Variants in CDH26 observed in about 807,000 individuals in gnomAD.
The protein encoded by CDH26 is cadherin-like protein 26.
Under a neutral mutation model 90.3 loss-of-function variants are expected in CDH26, and 83 were observed. The ratio of observed to expected loss-of-function variants is 0.92; its 90% CI spans 0.77 to 1.10. The LOEUF (loss-of-function observed/expected upper bound fraction) is 1.10. CDH26 is among the 50% of genes least tolerant of loss of function. The pLI is 0.00. For missense variants in CDH26, 1,013 were observed against 1,037.6 expected (o/e 0.98, Z 0.33); for synonymous variants, 397 against 396.3 (o/e 1.00, Z -0.02).
chr20:60,035,710 C>T (rs7265455), downstream of CDH26, among the ~76,000 whole-genome samples: 21,005 of 151,968 alleles, frequency 0.14, 1,737 homozygotes, highest in African/African-American at 0.22. Context: ...GATTGGATCA[C>T]GGGGGGCGGT....
intron 17 of CDH26, among the ~76,000 whole-genome samples, chr20:60,011,418 G>A (rs974177936): frequency 5.3e-5 from 8 of 152,280 alleles, no homozygotes; most frequent in Admixed American, 2.0e-4. Flanking sequence ...TGGATTTGGC[G>A]TGCTTGTTAT....
At chr20:60,004,765 CAAAA>C (rs140015980) in intron 16 of CDH26, among the ~76,000 whole-genome samples, 1 of 48,132 alleles carries the variant, frequency 2.1e-5, no homozygotes. Flanking sequence ...GACTCCATCT[CAAAA>C]AAAAAAAAAA....
At chr20:59,998,268 G>A (rs984187816) in intron 13 of CDH26, among the ~76,000 whole-genome samples, 7 of 152,312 alleles carry the variant, frequency 4.6e-5, no homozygotes, top group African/African-American at 1.7e-4. Flanking sequence ...GAGGGAGAGA[G>A]TGAAAGCTGC....
Position 59,988,960 on chromosome 20 carries a change from G to C in CDH26, c.1080G>C (p.Glu360Asp). 1 of 1,613,878 alleles carries C rather than the reference G, an allele frequency of 6.2e-7. No individual in the cohort carries two copies. The highest frequency in any genetic ancestry group is 8.5e-7 in the Non-Finnish European group (1 of 1,180,040). The change falls in exon 9 of 18, where the codon GAG becomes GAC. Residue 360 changes from glutamate (E) to aspartate (D), a missense_variant. Transcript: ENST00000348616. ...AQSLIIVVEN[E>D]ERLVFCERGK... ...GCCTCATCATTGTCGTGGAGAATGA[G>C]GAGAGGCTCGTCTTCTGTGAGAGAG... is the stretch of plus-strand genomic sequence containing the variant.
chr20:59,958,893 T>C (rs2061032106), intron 1 of CDH26, 98 bp downstream of exon 1: 2 of 1,255,320 alleles, frequency 1.6e-6, no homozygotes, highest in Non-Finnish European at 2.2e-6. Context: ...GGAGAGGGAC[T>C]GAGTGTGACC....
At chr20:60,023,374 G>A (rs1315999479) in intron 7 of CDH26, among the ~76,000 whole-genome samples, 2 of 152,206 alleles carry the variant, frequency 1.3e-5, no homozygotes, top group African/African-American at 2.4e-5. Context: ...TAGCAGAACC[G>A]AAGCACGTGG....
chr20:59,986,151 C>T (rs1054274274), intron 7 of CDH26: 5 of 152,212 alleles, frequency 3.3e-5, no homozygotes, highest in Non-Finnish European at 4.4e-5. Context: ...GTTTTCACAC[C>T]GTGTTCAGGA....
intron 17 of CDH26, among the ~76,000 whole-genome samples, chr20:60,008,524 G>A (rs966226352): frequency 3.0e-4 from 46 of 152,284 alleles, no homozygotes; most frequent in Admixed American, 2.4e-3. Flanking sequence ...TCTGGGGTGC[G>A]CATCTGAGCC....
rs1456573401 is a variant in CDH26, at chr20:60,031,225, G to A, written c.948-6G>A. 5 of 1,181,278 alleles carry A rather than the reference G, an allele frequency of 4.2e-6. No homozygotes were observed. The Admixed American group carries it at 1.3e-4, about 31-fold the overall frequency. 73.2% of individuals were successfully genotyped at this position (1,181,278 alleles called of 1,614,324 possible). ...CTAATGAGCACCTCTTACCTGCTTT[G>A]TGTAGTCTAAAGAGAGAAATCGCTT... On this transcript the variant is annotated splice_polypyrimidine_tract_variant and splice_region_variant and intron_variant, in intron 7 of 8. Coordinates refer to the CDH26 transcript ENST00000370991.
intron 1 of CDH26, among the ~76,000 whole-genome samples, chr20:59,960,752 T>C (rs1438005328): frequency 6.6e-6 from 1 of 152,244 alleles, no homozygotes; most frequent in Admixed American, 6.5e-5. Context: ...ATGGCACACA[T>C]ATTCCCATGG....
intron 7 of CDH26, among the ~76,000 whole-genome samples, chr20:60,020,569 A>G (rs747220336): frequency 4.6e-5 from 7 of 152,174 alleles, no homozygotes; most frequent in Non-Finnish European, 1.0e-4. Context: ...TGACATTCAG[A>G]CACTCATGTG....
intron 8 of CDH26, chr20:60,031,549 C>T: frequency 1.0e-6 from 1 of 1,000,176 alleles, no homozygotes; most frequent in Non-Finnish European, 1.2e-6. Context: ...TTTGTAAAAA[C>T]ATCCTCAGTT....
Position 60,002,916 on chromosome 20 carries a change from G to T in CDH26, c.2220+50G>T, listed in dbSNP as rs759956888. 3.7e-6 allele frequency: 5 copies of T among 1,351,904 alleles called. No homozygotes were observed. The East Asian group carries it at 7.4e-5, about 20-fold the overall frequency. The allele number at this position is 1,351,904 out of a possible 1,614,324, so 83.7% of individuals were successfully genotyped here. On this transcript the variant is annotated intron_variant, in intron 16 of 17. Transcript: ENST00000348616. ...GTGAACAAATTTACCTTATTGTTCT[G>T]CCTAAAAGCTGTGCAAATCCCTGAA...
At chr20:59,971,507 A>G (rs1361464466) in intron 3 of CDH26, among the ~76,000 whole-genome samples, 2 of 152,336 alleles carry the variant, frequency 1.3e-5, no homozygotes, top group Admixed American at 1.3e-4. Flanking sequence ...GATAATTGAT[A>G]TTAATAAATT....
intron 1 of CDH26, among the ~76,000 whole-genome samples, chr20:59,961,290 T>G (rs2145965081): frequency 6.8e-6 from 1 of 146,488 alleles, no homozygotes; most frequent in Non-Finnish European, 1.5e-5. Context: ...CTTCTGAGGG[T>G]GGTTGGGTGG....
In CDH26 at chr20:59,972,056, A is replaced by G. The variant is rs371632479; in HGVS notation, c.326A>G (p.Glu109Gly). 6.2e-7 allele frequency: 1 copy of G among 1,614,118 alleles called. No homozygotes were observed. The highest frequency in any genetic ancestry group is 8.5e-7 in the Non-Finnish European group (1 of 1,179,980). The change falls in exon 4 of 18, where the codon GAA becomes GGA. Residue 109 changes from glutamate to glycine, a missense_variant. By Grantham distance (98) the Glu-to-Gly change is moderately conservative. Coordinates refer to ENST00000348616, the MANE Select transcript of CDH26 (RefSeq NM_177980.4). ...CCAGAGATTGGTTTGTTTTCTCTAG[A>G]AGATCATGAGAACGGAAGGATATAT... ...EYPEIGLFSLEDHENGRIYVH... is the reference protein window; with the variant it reads ...EYPEIGLFSLGDHENGRIYVH...
rs2061435247 is a variant in CDH26 at position 59,984,957 on chromosome 20, T to C, written c.709-44T>C. On this transcript the variant is annotated intron_variant, in intron 6 of 17. Transcript: ENST00000348616. ...AATATTTCTTTATTAATATTTTCCT[T>C]TCCTGTATTTGAGGGGCTTAACTTT... 1.9e-6 allele frequency: 3 copies of C among 1,598,448 alleles called. No individual in the cohort carries two copies. In the African/African-American group the frequency reaches 4.0e-5, roughly 22 times the overall value.
At chr20:59,994,525 A>T (rs958928621) in intron 11 of CDH26, 36 bp downstream of exon 11, 5 of 1,607,096 alleles carry the variant, frequency 3.1e-6, no homozygotes, top group Non-Finnish European at 4.3e-6. Context: ...AAAGAGTGGA[A>T]AATGCCAGAT....
chr20:59,997,871 G>A (rs183490562), intron 13 of CDH26, among the ~76,000 whole-genome samples: 36 of 152,350 alleles, frequency 2.4e-4, no homozygotes, highest in Admixed American at 7.2e-4. Flanking sequence ...GAAGAAGCTG[G>A]TGCTCGCCCA....
Sources: allele counts gnomAD v4.1 joint callset (sites outside exome capture counted in the v4.1 genomes callset), GRCh38; gene constraint gnomAD v4.1.1; transcripts MANE v1.5; gene names NCBI Gene and HGNC (gene_info 2026-07-23, HGNC 2026-07-21).